RIMS2: variants seen among roughly 807,000 people sequenced by gnomAD.
RIMS2 encodes the protein regulating synaptic membrane exocytosis 2.
A neutral mutation model predicts 174.4 loss-of-function variants in RIMS2; 59 were observed. The ratio of observed to expected loss-of-function variants is 0.34; its 90% CI spans 0.27 to 0.42. The LOEUF is 0.42. Among genes scored for constraint, RIMS2 ranks in the 10% least tolerant of loss-of-function variants. The pLI is 1.00. For missense variants in RIMS2, 1,620 were observed against 1,666.3 expected (o/e 0.97, Z 0.48); for synonymous variants, 606 against 572.5 (o/e 1.06, Z -0.84).
chr8:104,058,669 G>C (rs369241383), intron 19 of RIMS2, among the ~76,000 whole-genome samples: 56,562 of 151,122 alleles, frequency 0.37, 10,977 homozygotes, highest in Non-Finnish European at 0.43. Flanking sequence ...ATGGTAATGC[G>C]TAGGTTTTCT....
intron 19 of RIMS2, among the ~76,000 whole-genome samples, chr8:104,219,033 T>A (rs952379454): frequency 4.6e-5 from 7 of 152,234 alleles, no homozygotes; most frequent in Admixed American, 3.9e-4. Context: ...TTTCACGTAA[T>A]TTAAAACTCT....
intron 12 of RIMS2, among the ~76,000 whole-genome samples, chr8:103,933,287 T>TTACACACACACA (rs1478976148): frequency 1.7e-5 from 1 of 60,152 alleles, no homozygotes; most frequent in African/African-American, 1.2e-4. Flanking sequence ...ATCGAGACTC[T>TTACACACACACA]GACACACACA....
chr8:103,737,882 C>T (rs181197751), intron 2 of RIMS2, among the ~76,000 whole-genome samples: 1 of 152,244 alleles, frequency 6.6e-6, no homozygotes, highest in East Asian at 1.9e-4. Flanking sequence ...GTGTTACTTC[C>T]ATCAACATCA....
intron 19 of RIMS2, among the ~76,000 whole-genome samples, chr8:104,042,810 G>C (rs1401151788): frequency 6.6e-6 from 1 of 151,522 alleles, no homozygotes; most frequent in Non-Finnish European, 1.5e-5. Context: ...GTCTGGGCTA[G>C]AGACATAGAT....
chr8:104,070,970 A>G (rs1487814498), intron 19 of RIMS2, among the ~76,000 whole-genome samples: 1 of 152,122 alleles, frequency 6.6e-6, no homozygotes, highest in Non-Finnish European at 1.5e-5. Context: ...CATACCCATT[A>G]CATGTGGGCT....
At chr8:103,797,813 T>C (rs1309652460) in intron 3 of RIMS2, among the ~76,000 whole-genome samples, 1 of 152,212 alleles carries the variant, frequency 6.6e-6, no homozygotes, top group Non-Finnish European at 1.5e-5. Flanking sequence ...TTTTTCCATG[T>C]TCTCCTATCC....
intron 19 of RIMS2, 30 bp from the exon 26 acceptor site, chr8:104,244,886 C>T: frequency 1.3e-6 from 2 of 1,592,206 alleles, no homozygotes; most frequent in South Asian, 1.1e-5. Context: ...GATTACAAAG[C>T]TGTTACACTT....
downstream of RIMS2, chr8:104,253,860 T>A (rs1033582671): frequency 1.3e-5 from 2 of 152,210 alleles, no homozygotes; most frequent in African/African-American, 4.8e-5. Flanking sequence ...AAAGTTAAAA[T>A]GAGTATCACT....
intron 19 of RIMS2, among the ~76,000 whole-genome samples, chr8:104,125,015 G>A (rs116468399): frequency 6.6e-6 from 1 of 152,124 alleles, no homozygotes; most frequent in Non-Finnish European, 1.5e-5. Flanking sequence ...GCAGCAGGAG[G>A]CAGTGGAGGT....
intron 1 of RIMS2, among the ~76,000 whole-genome samples, chr8:103,520,133 C>T (rs1830928259): frequency 6.6e-6 from 1 of 152,098 alleles, no homozygotes; most frequent in African/African-American, 2.4e-5. Flanking sequence ...CTTGGACTCT[C>T]TGTCTCTTTA....
intron 19 of RIMS2, among the ~76,000 whole-genome samples, chr8:104,063,905 A>AGT (rs894878672): frequency 3.9e-5 from 6 of 151,992 alleles, no homozygotes; most frequent in African/African-American, 9.7e-5. Context: ...TTGTGTCAGG[A>AGT]GTGTGTGTGT....
chr8:104,114,873 T>G (rs576801326), intron 19 of RIMS2, among the ~76,000 whole-genome samples: 1 of 152,170 alleles, frequency 6.6e-6, no homozygotes, highest in East Asian at 1.9e-4. Flanking sequence ...TTTTTAATTT[T>G]TAAGCTTTAA....
chr8:104,032,692 ATAT>A (rs1301481966), intron 19 of RIMS2, among the ~76,000 whole-genome samples: 1 of 152,084 alleles, frequency 6.6e-6, no homozygotes, highest in Admixed American at 6.6e-5. Flanking sequence ...TTTACTAATG[ATAT>A]TATAATTAAA....
At chr8:103,778,416 G>T (rs1340951274) in intron 3 of RIMS2, among the ~76,000 whole-genome samples, 9 of 151,760 alleles carry the variant, frequency 5.9e-5, no homozygotes, top group African/African-American at 2.2e-4. Context: ...CCTTCCCTCT[G>T]CCCTTTCTGG....
intron 3 of RIMS2, among the ~76,000 whole-genome samples, chr8:103,806,578 A>G (rs144647474): frequency 1.2e-3 from 178 of 151,996 alleles, no homozygotes; most frequent in African/African-American, 4.2e-3. Flanking sequence ...ATAAGATACT[A>G]TTGTAGGGTT....
intron 2 of RIMS2, among the ~76,000 whole-genome samples, chr8:103,720,862 C>A (rs972646302): frequency 6.6e-6 from 1 of 152,124 alleles, no homozygotes; most frequent in Non-Finnish European, 1.5e-5. Flanking sequence ...AAAAAGATAA[C>A]GTAATTTTAA....
chr8:103,702,649 T>C (rs1485178734), intron 2 of RIMS2, among the ~76,000 whole-genome samples: 1 of 152,154 alleles, frequency 6.6e-6, no homozygotes, highest in Non-Finnish European at 1.5e-5. Flanking sequence ...CTCAGAACCA[T>C]TTGTTTAAGA....
intron 19 of RIMS2, among the ~76,000 whole-genome samples, chr8:104,078,224 T>C (rs2097338446): frequency 6.6e-6 from 1 of 152,132 alleles, no homozygotes; most frequent in African/African-American, 2.4e-5. Context: ...TTTGTATTTT[T>C]ATTTGTGATT....
intron 3 of RIMS2, among the ~76,000 whole-genome samples, chr8:103,778,702 G>T (rs949647490): frequency 6.6e-6 from 1 of 152,122 alleles, no homozygotes; most frequent in Non-Finnish European, 1.5e-5. Context: ...GAATAGTGCT[G>T]CATTAAACAT....
Sources: allele counts gnomAD v4.1 joint callset (sites outside exome capture counted in the v4.1 genomes callset), GRCh38; gene constraint gnomAD v4.1.1; transcripts MANE v1.5; gene names NCBI Gene and HGNC (gene_info 2026-07-23, HGNC 2026-07-21).